The following GALNT18 variants were observed in gnomAD, a reference collection of about 807,000 sequenced individuals.
GALNT18 encodes polypeptide N-acetylgalactosaminyltransferase 18.
In GALNT18, 44 loss-of-function variants were observed where a neutral mutation model predicts 69.5. That is an observed-to-expected ratio of 0.63 (90% CI 0.50 to 0.81). The LOEUF is 0.81. Among genes scored for constraint, GALNT18 ranks in the 40% least tolerant of loss-of-function variants. The pLI, the probability that GALNT18 is intolerant of heterozygous loss-of-function variation, is 0.00. For missense variants in GALNT18, 715 were observed against 810.0 expected (o/e 0.88, Z 1.42); for synonymous variants, 364 against 318.2 (o/e 1.14, Z -1.53).
intron 1 of GALNT18, among the ~76,000 whole-genome samples, chr11:11,557,891 C>T (rs996229278): frequency 2.0e-5 from 3 of 152,148 alleles, no homozygotes; most frequent in African/African-American, 7.2e-5. Flanking sequence ...TGACATTTCC[C>T]CAGCTTGAAG....
At chr11:11,291,555 A>G (rs1051922915) in intron 10 of GALNT18, among the ~76,000 whole-genome samples, 1 of 152,198 alleles carries the variant, frequency 6.6e-6, no homozygotes, top group Non-Finnish European at 1.5e-5. Context: ...CAAAGGTTAC[A>G]TAGACAGGAA....
rs1336439379 is a variant in GALNT18 at position 11,415,071 on chromosome 11, G to A, written c.595+17550C>T. Among the ~76,000 whole-genome samples, 1 of 152,200 alleles carries A rather than the reference G, an allele frequency of 6.6e-6. No homozygotes were observed. Among genetic ancestry groups the A allele is most frequent in the Non-Finnish European group, 1.5e-5 (1 of 68,042 alleles). Reference sequence around the variant, plus strand: ...CTGGGGAATGCTCTTGGCAACAAGAGGCTGCCCAATCTCCTTGCCGCATGG... The same window carrying A: ...CTGGGGAATGCTCTTGGCAACAAGAAGCTGCCCAATCTCCTTGCCGCATGG... On this transcript the variant is annotated intron_variant, in intron 3 of 10. Transcript: ENST00000227756. This position sits in a 1 kb window ranked among gnomAD's most constrained non-coding sequence, Gnocchi z 4.1.
chr11:11,617,836 G>A lies in GALNT18; in HGVS notation c.235+3523C>T, dbSNP rs564993235. Among the ~76,000 whole-genome samples the A allele has an allele frequency of 1.4e-4, 22 of 152,202 alleles. No homozygotes were observed. Among genetic ancestry groups the A allele is most frequent in the Non-Finnish European group, 2.6e-4 (18 of 68,026 alleles). ...AGATTCTTGCTTCATCCGCCTCACC[G>A]TGTCAAGCCATCAGATCTTTCTACT... On this transcript the variant is annotated intron_variant, in intron 1 of 10. Transcript: ENST00000227756. The surrounding 1 kb of genome is among the most constrained non-coding windows in gnomAD (Gnocchi z 4.7).
intron 1 of GALNT18, among the ~76,000 whole-genome samples, chr11:11,466,626 T>A (rs1856161569): frequency 6.6e-6 from 1 of 152,180 alleles, no homozygotes. Context: ...CCTATTAGGA[T>A]TTTGCATAAG....
In GALNT18 at chr11:11,603,213, C is replaced by A. The variant is rs971675089; in HGVS notation, c.235+18146G>T. ...AAAACTGGGCTGTAAACAAATAATA[C>A]CCAACAGCCAAGACTAAGTGTTGCC... On this transcript the variant is annotated intron_variant, in intron 1 of 10. Transcript: ENST00000227756. This position sits in a 1 kb window ranked among gnomAD's most constrained non-coding sequence, Gnocchi z 4.5. Among the ~76,000 whole-genome samples the A allele has an allele frequency of 4.6e-5, 7 of 152,140 alleles. No homozygotes were observed. The highest frequency in any genetic ancestry group is 8.8e-5 in the Non-Finnish European group (6 of 68,030).
chr11:11,521,627 CT>C (rs1857401166), intron 1 of GALNT18, among the ~76,000 whole-genome samples: 1 of 152,200 alleles, frequency 6.6e-6, no homozygotes, highest in African/African-American at 2.4e-5. Flanking sequence ...CTCTTATTCA[CT>C]ATCAGAAAAT....
At chr11:11,521,254 A>T (rs1016868728) in intron 1 of GALNT18, among the ~76,000 whole-genome samples, 4 of 152,092 alleles carry the variant, frequency 2.6e-5, no homozygotes, top group African/African-American at 9.7e-5. Flanking sequence ...GATCACCACT[A>T]TCTGGATACA....
In GALNT18 at chr11:11,341,739, TGCTTCTAG is replaced by T. The variant is rs1850211507; in HGVS notation, c.1093-743_1093-736del. The stretch of plus-strand genomic sequence containing the variant: ...ATGTTCCTGAACTTGCACTCTTTTG[TGCTTCTAG>T]GCTTTGCTCCATTCTGCTGGTAATT... On this transcript the variant is annotated intron_variant, in intron 6 of 10. Transcript: ENST00000227756. The surrounding 1 kb of genome is among the most constrained non-coding windows in gnomAD (Gnocchi z 6.3). 6.6e-6 allele frequency among the ~76,000 whole-genome samples: 1 copy of T among 152,192 alleles called. No individual in the cohort carries two copies. Among genetic ancestry groups the T allele is most frequent in the Non-Finnish European group, 1.5e-5 (1 of 68,034 alleles).
At chr11:11,361,289 T>C (rs1175022457) in intron 6 of GALNT18, among the ~76,000 whole-genome samples, 1 of 152,226 alleles carries the variant, frequency 6.6e-6, no homozygotes, top group Non-Finnish European at 1.5e-5. Context: ...TTTCTTGGGT[T>C]CAAATCGCAT....
intron 1 of GALNT18, among the ~76,000 whole-genome samples, chr11:11,508,245 T>C (rs1857104656): frequency 6.6e-6 from 1 of 152,210 alleles, no homozygotes; most frequent in African/African-American, 2.4e-5. Flanking sequence ...ATATACCCTT[T>C]TTTGTTTTTT....
intron 1 of GALNT18, among the ~76,000 whole-genome samples, chr11:11,570,780 C>T (rs576441480): frequency 2.3e-4 from 35 of 152,174 alleles, no homozygotes; most frequent in Non-Finnish European, 4.7e-4. Flanking sequence ...CCATTGCATC[C>T]CCAGCACGAG....
intron 6 of GALNT18, among the ~76,000 whole-genome samples, chr11:11,354,952 A>T (rs1378961550): frequency 1.3e-5 from 2 of 152,136 alleles, no homozygotes; most frequent in African/African-American, 4.8e-5. Context: ...TACATCGGCA[A>T]AAGCAGACAG....
intron 1 of GALNT18, among the ~76,000 whole-genome samples, chr11:11,458,595 C>T (rs1336969267): frequency 1.3e-5 from 2 of 152,198 alleles, no homozygotes; most frequent in Admixed American, 6.5e-5. Flanking sequence ...GGGCCTTGCC[C>T]GAGAAGCCCA....
Position 11,621,259 on chromosome 11 carries a change from C to A in GALNT18, c.235+100G>T. Reference sequence around the variant, plus strand: ...CCACGCATCTGCGGCCCCAGAGCCCCGCCGTGGCTGAGTTGATGCGCACCA... The same window carrying A: ...CCACGCATCTGCGGCCCCAGAGCCCAGCCGTGGCTGAGTTGATGCGCACCA... On this transcript the variant is annotated intron_variant, in intron 1 of 10. Coordinates refer to ENST00000227756, the MANE Select transcript of GALNT18 (RefSeq NM_198516.3). The surrounding 1 kb of genome is among the most constrained non-coding windows in gnomAD (Gnocchi z 9.3). 1 of 960,458 alleles carries A rather than the reference C, an allele frequency of 1.0e-6. No homozygotes were observed. Among genetic ancestry groups the A allele is most frequent in the Non-Finnish European group, 1.6e-6 (1 of 629,150 alleles). The allele number at this position is 960,458 out of a possible 1,614,324, so 59.5% of individuals were successfully genotyped here.
intron 3 of GALNT18, among the ~76,000 whole-genome samples, chr11:11,406,991 G>C (rs997126551): frequency 1.3e-5 from 2 of 152,170 alleles, no homozygotes; most frequent in Non-Finnish European, 2.9e-5. Flanking sequence ...GGTTGGACCA[G>C]GAGGAGGCCT....
chr11:11,341,143 G>A lies in GALNT18; in HGVS notation c.1093-139C>T, dbSNP rs140071891. The A allele has an allele frequency of 7.5e-5, 53 of 706,542 alleles. No individual in the cohort carries two copies. The highest frequency in any genetic ancestry group is 3.8e-4 in the East Asian group (14 of 36,832). The allele number at this position is 706,542 out of a possible 1,614,324, so 43.8% of individuals were successfully genotyped here. A position where few individuals can be genotyped will look rare whatever the true frequency, so the allele number is the denominator to read the frequency against. On this transcript the variant is annotated intron_variant, in intron 6 of 10. Transcript: ENST00000227756. The surrounding 1 kb of genome is among the most constrained non-coding windows in gnomAD (Gnocchi z 6.3). ...TCCCCAGATCACTCTCTGTGAAGGA[G>A]TAGGCCATACCTGATTTCTGCTCCT...
At chr11:11,557,888 T>G (rs1186395872) in intron 1 of GALNT18, among the ~76,000 whole-genome samples, 1 of 152,202 alleles carries the variant, frequency 6.6e-6, no homozygotes, top group African/African-American at 2.4e-5. Context: ...AGTTGACATT[T>G]CCCCAGCTTG....
rs747142027 is a variant in GALNT18, at chr11:11,421,075, G to A, written c.595+11546C>T. Among the ~76,000 whole-genome samples the A allele has an allele frequency of 6.6e-6, 1 of 152,216 alleles. No homozygotes were observed. The highest frequency in any genetic ancestry group is 1.5e-5 in the Non-Finnish European group (1 of 68,040). On this transcript the variant is annotated intron_variant, in intron 3 of 10. Transcript: ENST00000227756. The surrounding 1 kb of genome is among the most constrained non-coding windows in gnomAD (Gnocchi z 5.6). ...AAGGTCCTTTGCCCTCCCAGGTGCT[G>A]TCCTTCGTCAGCAGGGTAGCATGCT...
chr11:11,410,243 G>A (rs1438668861), intron 3 of GALNT18, among the ~76,000 whole-genome samples: 3 of 152,202 alleles, frequency 2.0e-5, no homozygotes, highest in African/African-American at 4.8e-5. Context: ...CTAGCCCCAG[G>A]GTCTTGTGCT....
Sources: gnomAD v4.1 joint callset for allele counts (sites outside exome capture counted in the v4.1 genomes callset) on GRCh38, gnomAD v4.1.1 for gene constraint, Gnocchi (gnomAD v3.1) non-coding constraint, MANE v1.5 for transcripts, NCBI Gene and HGNC (gene_info 2026-07-23, HGNC 2026-07-21) for gene names.